MAST4: variants seen among roughly 807,000 people sequenced by gnomAD.
MAST4 encodes the protein microtubule-associated serine/threonine-protein kinase 4.
MAST4 carries 89 observed loss-of-function variants against 162.7 expected under a neutral mutation model. The ratio of observed to expected loss-of-function variants is 0.55; its 90% CI spans 0.46 to 0.65. MAST4 has a LOEUF of 0.65. Ranked by LOEUF, MAST4 falls within the 30% of genes least tolerant of loss-of-function variation. MAST4 has a pLI of 0.00. For synonymous variants in MAST4, 1,479 were observed against 1,361.1 expected (o/e 1.09, Z -1.91); for missense variants, 3,153 against 3,374.0 (o/e 0.93, Z 1.62).
chr5:67,090,847 C>G (rs1345298271), intron 6 of MAST4, among the ~76,000 whole-genome samples: 1 of 151,822 alleles, frequency 6.6e-6, no homozygotes, highest in East Asian at 2.0e-4. Flanking sequence ...TGTGCACAGT[C>G]ATCTCTTCTG....
At chr5:66,784,729 G>C (rs960038571) in intron 2 of MAST4, among the ~76,000 whole-genome samples, 10 of 152,298 alleles carry the variant, frequency 6.6e-5, no homozygotes, top group Non-Finnish European at 1.0e-4. Flanking sequence ...TGGTGGTGGA[G>C]GATGCAGGTC....
intron 4 of MAST4, among the ~76,000 whole-genome samples, chr5:66,978,697 G>A (rs1453876554): frequency 1.3e-5 from 2 of 152,190 alleles, no homozygotes; most frequent in Non-Finnish European, 2.9e-5. Flanking sequence ...ATGTAGACAT[G>A]TATGTTCAAG....
intron 1 of MAST4, chr5:66,662,358 A>G (rs866322172): frequency 6.6e-6 from 1 of 152,208 alleles, no homozygotes; most frequent in African/African-American, 2.4e-5. Context: ...CAGAGAGGCA[A>G]TCAAAAGTTG....
intron 3 of MAST4, among the ~76,000 whole-genome samples, chr5:66,862,826 C>T (rs550833586): frequency 9.2e-5 from 14 of 152,274 alleles, no homozygotes; most frequent in African/African-American, 2.9e-4. Context: ...ATTACAGATT[C>T]GGAAGCTGAT....
At chr5:66,698,331 T>A (rs1033431322) in intron 1 of MAST4, among the ~76,000 whole-genome samples, 7 of 152,018 alleles carry the variant, frequency 4.6e-5, no homozygotes, top group African/African-American at 1.7e-4. Context: ...TCTCCTTGTC[T>A]CAACCCTACT....
chr5:66,945,538 T>G (rs763104531), intron 4 of MAST4, among the ~76,000 whole-genome samples: 1 of 152,038 alleles, frequency 6.6e-6, no homozygotes, highest in Admixed American at 6.6e-5. Flanking sequence ...CAGCTGCCTT[T>G]TGTGGGGACT....
At chr5:66,655,095 A>G (rs1746462570) in intron 1 of MAST4, among the ~76,000 whole-genome samples, 1 of 152,198 alleles carries the variant, frequency 6.6e-6, no homozygotes, top group Admixed American at 6.5e-5. Flanking sequence ...CCACAGCAGC[A>G]ACATTGTGAA....
At chr5:67,081,016 AT>A (rs1408767454) in intron 5 of MAST4, among the ~76,000 whole-genome samples, 1 of 136,888 alleles carries the variant, frequency 7.3e-6, no homozygotes, top group African/African-American at 2.8e-5. Flanking sequence ...ATAATATATA[AT>A]TGTATATATT....
chr5:66,691,298 A>T lies in MAST4; in HGVS notation c.364-68411A>T, dbSNP rs1298850546. Reference sequence around the variant, plus strand: ...AGTATCTTTTCAGTACCTATTGGTTATGATAGCTTAATTTTAAATTACTAC... The same window carrying T: ...AGTATCTTTTCAGTACCTATTGGTTTTGATAGCTTAATTTTAAATTACTAC... On this transcript the variant is annotated intron_variant, in intron 1 of 28. Transcript: ENST00000403625. 3.9e-5 allele frequency among the ~76,000 whole-genome samples: 6 copies of T among 152,210 alleles called. No individual in the cohort carries two copies. The East Asian group carries it at 1.2e-3, about 29-fold the overall frequency.
chr5:66,631,678 A>G (rs1051774757), intron 1 of MAST4, among the ~76,000 whole-genome samples: 2 of 152,196 alleles, frequency 1.3e-5, no homozygotes, highest in Non-Finnish European at 2.9e-5. Context: ...GAGCCAGGCT[A>G]ACAGCAAAAG....
chr5:66,808,406 A>G (rs1215756351), intron 3 of MAST4, among the ~76,000 whole-genome samples: 1 of 152,244 alleles, frequency 6.6e-6, no homozygotes, highest in African/African-American at 2.4e-5. Flanking sequence ...TTCATGTCAA[A>G]TAGCCCCTAT....
At chr5:66,727,853 C>T (rs1269637109) in intron 1 of MAST4, among the ~76,000 whole-genome samples, 1 of 152,062 alleles carries the variant, frequency 6.6e-6, no homozygotes, top group Non-Finnish European at 1.5e-5. Flanking sequence ...TTGGTGTTGC[C>T]TGTGGTCATG....
rs139194197 is a variant in MAST4, at chr5:66,953,728, C to T, written c.674+53746C>T. 2.6e-3 allele frequency among the ~76,000 whole-genome samples: 403 copies of T among 152,136 alleles called. 1 individual carries two copies. The highest frequency in any genetic ancestry group is 0.01 in the Middle Eastern group (3 of 294). Reference sequence around the variant, plus strand: ...ACATGTTAAAACTAGTCAGTGATGCCGAGGGTCCTGCAGAAATTGACCCTT... The same window carrying T: ...ACATGTTAAAACTAGTCAGTGATGCTGAGGGTCCTGCAGAAATTGACCCTT... On this transcript the variant is annotated intron_variant, in intron 4 of 28. Coordinates refer to ENST00000403625, the MANE Select transcript of MAST4 (RefSeq NM_001164664.2).
intron 1 of MAST4, among the ~76,000 whole-genome samples, chr5:66,680,577 A>G (rs4274934): frequency 0.027 from 4,092 of 152,222 alleles, 201 homozygotes; most frequent in African/African-American, 0.092. Context: ...TAAATCCCCT[A>G]TTAATTCAGA....
At chr5:66,787,812 G>A (rs1755185723) in intron 2 of MAST4, among the ~76,000 whole-genome samples, 1 of 152,162 alleles carries the variant, frequency 6.6e-6, no homozygotes, top group Non-Finnish European at 1.5e-5. Flanking sequence ...TATTTATTGA[G>A]CAGCTATTAT....
intron 4 of MAST4, among the ~76,000 whole-genome samples, chr5:67,048,901 T>C (rs1233715418): frequency 6.7e-6 from 1 of 150,056 alleles, no homozygotes; most frequent in Non-Finnish European, 1.5e-5. Context: ...CAAGTCTCTG[T>C]TTTTCCTGTT....
At chr5:66,748,330 G>C (rs1396734749) in intron 1 of MAST4, among the ~76,000 whole-genome samples, 1 of 151,336 alleles carries the variant, frequency 6.6e-6, no homozygotes, top group Non-Finnish European at 1.5e-5. Flanking sequence ...ATGCAATATA[G>C]GCCCTTCTTT....
chr5:67,064,836 G>GAAC (rs137984981), intron 5 of MAST4, among the ~76,000 whole-genome samples: 6,941 of 152,230 alleles, frequency 0.046, 451 homozygotes, highest in African/African-American at 0.14. Flanking sequence ...GAGAGGAGAA[G>GAAC]AACTCTTGAA....
At chr5:67,075,165 T>G (rs1355452089) in intron 5 of MAST4, among the ~76,000 whole-genome samples, 1 of 151,380 alleles carries the variant, frequency 6.6e-6, no homozygotes, top group Non-Finnish European at 1.5e-5. Flanking sequence ...GAATGAGTTT[T>G]TTTTTTTTTT....
Sources: allele counts gnomAD v4.1 joint callset (sites outside exome capture counted in the v4.1 genomes callset), GRCh38; gene constraint gnomAD v4.1.1; transcripts MANE v1.5; gene names NCBI Gene and HGNC (gene_info 2026-07-23, HGNC 2026-07-21).